SH3TC1: variants seen among roughly 807,000 people sequenced by gnomAD.
SH3TC1 encodes SH3 domain and tetratricopeptide repeats 1.
A neutral mutation model predicts 117.3 loss-of-function variants in SH3TC1; 135 were observed. That is an observed-to-expected ratio of 1.15 (90% confidence interval 1.00 to 1.33). The LOEUF (loss-of-function observed/expected upper bound fraction) is 1.33, where lower values mean the gene tolerates loss of function less well. SH3TC1 is among the 40% of genes most tolerant of loss of function. The probability of loss-of-function intolerance (pLI) is 0.00; values close to 1 mark genes in which losing one functional copy is unlikely to be tolerated. For synonymous variants in SH3TC1, 898 were observed against 816.9 expected (o/e 1.10, Z -1.69); for missense variants, 2,092 against 1,794.3 (o/e 1.17, Z -3.00).
In SH3TC1 at chr4:8,222,361, GTTTTTTTTTTTT is replaced by G. The variant is rs5856006; in HGVS notation, c.1113-460_1113-449del. 9.4e-4 allele frequency among the ~76,000 whole-genome samples: 38 copies of G among 40,320 alleles called. No individual in the cohort carries two copies. The East Asian group carries it at 0.022, about 24-fold the overall frequency. 26.5% of individuals were successfully genotyped at this position (40,320 alleles called of 152,430 possible). A position where few individuals can be genotyped will look rare whatever the true frequency, so the allele number is the denominator to read the frequency against. ...AGGCACCCCTTGAGGTCAGGATCTG[GTTTTTTTTTTTT>G]TTTTTTTTTTTTTTTTTTCAGACAA... On this transcript the variant is annotated intron_variant, in intron 9 of 17. Coordinates refer to ENST00000245105, the MANE Select transcript of SH3TC1 (RefSeq NM_018986.5).
intron 17 of SH3TC1, among the ~76,000 whole-genome samples, chr4:8,238,496 C>T (rs1027086047): frequency 3.9e-5 from 6 of 152,166 alleles, no homozygotes; most frequent in South Asian, 2.1e-4. Flanking sequence ...GGGGCCAGGG[C>T]GCTCCAGTCC....
rs1437884057 is a variant in SH3TC1 at position 8,209,076 on chromosome 4, C to G, written c.173-672C>G. Among the ~76,000 whole-genome samples, 1 of 152,214 alleles carries G rather than the reference C, an allele frequency of 6.6e-6. No individual in the cohort carries two copies. Among genetic ancestry groups the G allele is most frequent in the Non-Finnish European group, 1.5e-5 (1 of 68,042 alleles). On this transcript the variant is annotated intron_variant, in intron 2 of 17. Transcript: ENST00000245105. This position sits in a 1 kb window ranked among gnomAD's most constrained non-coding sequence, Gnocchi z 5.9. ...AGGGAACCAAGCAACCAGTAGGGGT[C>G]TATGTCCTGGCTCCTACCTGCACAA...
chr4:8,234,047 TCATC>T (rs1165859312), intron 14 of SH3TC1, among the ~76,000 whole-genome samples: 11 of 143,612 alleles, frequency 7.7e-5, no homozygotes, highest in Admixed American at 2.0e-4. Context: ...CATCCATCAT[TCATC>T]CATCCTTTTA....
chr4:8,214,335 T>C, intron 4 of SH3TC1, 140 bp from the exon 5 acceptor site: 2 of 689,210 alleles, frequency 2.9e-6, no homozygotes, highest in Non-Finnish European at 4.8e-6. Context: ...TGACTTGGGC[T>C]GTGAAGGAAT....
rs927323515 is a variant in SH3TC1 at position 8,206,460 on chromosome 4, C to G, written c.172+1094C>G. On this transcript the variant is annotated intron_variant, in intron 2 of 17. Coordinates refer to ENST00000245105, the MANE Select transcript of SH3TC1 (RefSeq NM_018986.5). This position sits in a 1 kb window ranked among gnomAD's most constrained non-coding sequence, Gnocchi z 5.5. Reference sequence around the variant, plus strand: ...CGCGCAGGAGGGCCCTGGCCAGCCTCCCACAGAGCCGCGGGGCCCAGGGAG... The same window carrying G: ...CGCGCAGGAGGGCCCTGGCCAGCCTGCCACAGAGCCGCGGGGCCCAGGGAG... 6.6e-6 allele frequency among the ~76,000 whole-genome samples: 1 copy of G among 152,206 alleles called. No homozygotes were observed. Among genetic ancestry groups the G allele is most frequent in the South Asian group, 2.1e-4 (1 of 4,810 alleles).
intron 1 of SH3TC1, chr4:8,204,890 C>T (rs1393212503): frequency 1.4e-5 from 4 of 277,880 alleles, no homozygotes; most frequent in East Asian, 1.3e-4. Context: ...GGTTCTGCCT[C>T]GACAGGGAAG....
intron 14 of SH3TC1, 76 bp from the exon 15 acceptor site, chr4:8,235,357 G>T: frequency 7.1e-7 from 1 of 1,408,510 alleles, no homozygotes; most frequent in Non-Finnish European, 9.3e-7. Context: ...AGGAGGCTGG[G>T]CGGGGGAGTC....
rs777456025 is a variant in SH3TC1 at position 8,233,387 on chromosome 4, C to T, written c.3156C>T (p.Tyr1052=). The change falls in exon 14 of 18, where the codon TAC becomes TAT. Residue 1052 remains tyrosine, a synonymous_variant. Transcript: ENST00000245105. The part of the protein sequence containing the change: ...TERAYKSALD[Y]TKRSLGIFID... ...GGGCCTACAAATCCGCACTGGACTA[C>T]ACCAAACGAAGTCTGGGGATTTTCA... is the stretch of plus-strand genomic sequence containing the variant. The T allele has an allele frequency of 5.0e-6, 8 of 1,613,250 alleles. No individual in the cohort carries two copies. Among genetic ancestry groups the T allele is most frequent in the Non-Finnish European group, 6.8e-6 (8 of 1,179,662 alleles).
chr4:8,232,609 G>T, intron 13 of SH3TC1: 1 of 1,335,634 alleles, frequency 7.5e-7, no homozygotes, highest in Non-Finnish European at 9.9e-7. Context: ...CCCTGGGGCA[G>T]GGTTTCAAGG....
At chr4:8,189,527 G>A (rs753673917) in intron 1 of SH3TC1, among the ~76,000 whole-genome samples, 9 of 152,234 alleles carry the variant, frequency 5.9e-5, no homozygotes, top group Non-Finnish European at 8.8e-5. Context: ...GGACAGCACA[G>A]GGTGGCCAGG....
Position 8,185,808 on chromosome 4 carries a change from A to C in SH3TC1, c.-57+3598A>C, listed in dbSNP as rs189074323. Among the ~76,000 whole-genome samples, 11 of 152,350 alleles carry C rather than the reference A, an allele frequency of 7.2e-5. No homozygotes were observed. In the East Asian group the frequency reaches 1.7e-3, roughly 24 times the overall value. Reference sequence around the variant, plus strand: ...GTTTCAGAAGTCGACAGTCATCTGCAGGGTGAACTCCCAGGAGTGGGGTTG... The same window carrying C: ...GTTTCAGAAGTCGACAGTCATCTGCCGGGTGAACTCCCAGGAGTGGGGTTG... On this transcript the variant is annotated intron_variant, in intron 1 of 16. Coordinates refer to the SH3TC1 transcript ENST00000508641.
At chr4:8,221,240 AG>A (rs1561699530) in intron 9 of SH3TC1, among the ~76,000 whole-genome samples, 1 of 152,192 alleles carries the variant, frequency 6.6e-6, no homozygotes, top group African/African-American at 2.4e-5. Context: ...TGAACTTACA[AG>A]GGGTCAGAGA....
chr4:8,238,584 G>A (rs958200495), intron 17 of SH3TC1, among the ~76,000 whole-genome samples: 4 of 152,110 alleles, frequency 2.6e-5, no homozygotes, highest in African/African-American at 9.7e-5. Context: ...TATCCCCCGC[G>A]GCAGGCCTGG....
In SH3TC1 at chr4:8,227,561, G is replaced by T; in HGVS notation, c.1867G>T (p.Val623Leu). Residue 623 changes from valine (V) to leucine (L), a missense_variant, in exon 12 of 18, where the codon GTG becomes TTG. Coordinates refer to ENST00000245105, the MANE Select transcript of SH3TC1 (RefSeq NM_018986.5). ...KQKNREKCAQVVPKAMALLLG... is the reference protein window; with the variant it reads ...KQKNREKCAQLVPKAMALLLG... ...GAAGAACCGGGAGAAGTGTGCACAG[G>T]TGGTGCCCAAAGCCATGGCCCTGCT... The T allele has an allele frequency of 6.6e-7, 1 of 1,524,244 alleles. No homozygotes were observed. The highest frequency in any genetic ancestry group is 8.8e-7 in the Non-Finnish European group (1 of 1,139,032). The allele number at this position is 1,524,244 out of a possible 1,614,324, so 94.4% of individuals were successfully genotyped here.
rs141095376 is a variant in SH3TC1, at chr4:8,216,218, G to A, written c.589G>A (p.Ala197Thr). 3.7e-6 allele frequency: 6 copies of A among 1,613,810 alleles called. No homozygotes were observed. Among genetic ancestry groups the A allele is most frequent in the Admixed American group, 1.7e-5 (1 of 60,016 alleles). ...TAIQVHVDENALRLTHESLLI... is the reference protein window; with the variant it reads ...TAIQVHVDENTLRLTHESLLI... ...CATCCAAGTCCATGTGGATGAGAAC[G>A]CCTTAAGGCTGACCCACGAGAGCCT... is the stretch of plus-strand genomic sequence containing the variant. Residue 197 changes from alanine (A) to threonine (T), a missense_variant, in exon 6 of 18, where the codon GCC becomes ACC. By Grantham distance (58) the Ala-to-Thr change is moderately conservative (BLOSUM62 0). Transcript: ENST00000245105.
rs745445725 is a variant in SH3TC1 at position 8,237,570 on chromosome 4, C to A, written c.3653C>A (p.Ala1218Asp). The change falls in exon 17 of 18, where the codon GCC becomes GAC. Residue 1218 changes from alanine to aspartate, a missense_variant. Coordinates refer to ENST00000245105, the MANE Select transcript of SH3TC1 (RefSeq NM_018986.5). ...GELAEHFYLK[A>D]LSLCNSPLEF... ...CTGGCAGAGCACTTCTACCTCAAGG[C>A]CCTGTCGCTCTGCAACTCGCCGCTG... 1.9e-6 allele frequency: 3 copies of A among 1,612,334 alleles called. No individual in the cohort carries two copies. Among genetic ancestry groups the A allele is most frequent in the Admixed American group, 3.3e-5 (2 of 59,912 alleles).
intron 17 of SH3TC1, among the ~76,000 whole-genome samples, chr4:8,238,618 G>A (rs953034888): frequency 3.3e-5 from 5 of 151,886 alleles, no homozygotes; most frequent in South Asian, 2.1e-4. Context: ...GCCCCCGCCC[G>A]GTGCTGGGGA....
upstream of SH3TC1, among the ~76,000 whole-genome samples, chr4:8,198,962 A>T (rs1487895876): frequency 3.3e-5 from 5 of 152,214 alleles, no homozygotes; most frequent in Admixed American, 1.3e-4. Flanking sequence ...TGTGTGCAGT[A>T]AATGGAAGAG....
In SH3TC1 at chr4:8,209,959, A is replaced by G; in HGVS notation, c.247+137A>G. ...CACCTTAAAATCATGATGGGAATAG[A>G]AAGAAGGGTTTGTTAAATGCGCATG... On this transcript the variant is annotated intron_variant, in intron 3 of 17. Transcript: ENST00000245105. The surrounding 1 kb of genome is among the most constrained non-coding windows in gnomAD (Gnocchi z 5.9). 1 of 928,720 alleles carries G rather than the reference A, an allele frequency of 1.1e-6. No individual in the cohort carries two copies. Among genetic ancestry groups the G allele is most frequent in the Non-Finnish European group, 1.6e-6 (1 of 622,686 alleles). The allele number at this position is 928,720 out of a possible 1,614,324, so 57.5% of individuals were successfully genotyped here.
Sources: allele counts gnomAD v4.1 joint callset (sites outside exome capture counted in the v4.1 genomes callset), GRCh38; gene constraint gnomAD v4.1.1; non-coding constraint Gnocchi (gnomAD v3.1); transcripts MANE v1.5; gene names NCBI Gene and HGNC (gene_info 2026-07-23, HGNC 2026-07-21).